The following SPINK5 variants were observed in gnomAD, a reference collection of about 807,000 sequenced individuals.
SPINK5 encodes the protein serine peptidase inhibitor Kazal type 5.
A neutral mutation model predicts 151.8 loss-of-function variants in SPINK5; 125 were observed. That is an observed-to-expected ratio of 0.82 (90% confidence interval 0.71 to 0.96). The LOEUF (loss-of-function observed/expected upper bound fraction) is 0.96. SPINK5 is among the 40% of genes least tolerant of loss of function. The pLI, the probability that SPINK5 is intolerant of heterozygous loss-of-function variation, is 0.00. For missense variants in SPINK5, 1,194 were observed against 1,291.9 expected, an observed-to-expected ratio of 0.92 and a Z score of 1.16; for synonymous variants, 374 against 395.3, an observed-to-expected ratio of 0.95 and a Z score of 0.64.
intron 4 of SPINK5, among the ~76,000 whole-genome samples, chr5:148,084,305 C>T (rs1336981259): frequency 6.6e-6 from 1 of 151,052 alleles, no homozygotes; most frequent in Non-Finnish European, 1.5e-5. Context: ...AGAGATAAGA[C>T]CCAGTGCTGG....
rs773569272 is a variant in SPINK5, at chr5:148,070,481, TG to T, written c.209+32del. 3.1e-6 allele frequency: 5 copies of T among 1,610,842 alleles called. No individual in the cohort carries two copies. The Admixed American group carries it at 8.4e-5, about 27-fold the overall frequency. Reference sequence around the variant, plus strand: ...TAAAGGTTTCTTTCTTTCTTTCCAATGTTTGAGTTAACAGCTAGTCTCTGAA... The same window carrying T: ...TAAAGGTTTCTTTCTTTCTTTCCAATTTTGAGTTAACAGCTAGTCTCTGAA... On this transcript the variant is annotated intron_variant, in intron 3 of 32. Coordinates refer to ENST00000256084, the MANE Select transcript of SPINK5 (RefSeq NM_006846.4).
intron 15 of SPINK5, among the ~76,000 whole-genome samples, chr5:148,103,021 G>A (rs77928928): frequency 0.011 from 1,608 of 152,102 alleles, 36 homozygotes; most frequent in African/African-American, 0.037. Flanking sequence ...TATTTCCCAT[G>A]TGCCAAGAAT....
chr5:148,084,456 G>A (rs1438762839), intron 4 of SPINK5, among the ~76,000 whole-genome samples: 2 of 151,796 alleles, frequency 1.3e-5, no homozygotes, highest in African/African-American at 4.8e-5. Flanking sequence ...GGGTTTGGAG[G>A]GGAAGGAGAT....
intron 8 of SPINK5, among the ~76,000 whole-genome samples, chr5:148,092,383 T>G (rs556216822): frequency 6.6e-6 from 1 of 151,980 alleles, no homozygotes; most frequent in Non-Finnish European, 1.5e-5. Flanking sequence ...GGAATTCTTT[T>G]GTGGTGGTTG....
chr5:148,074,429 T>C (rs958267213), intron 4 of SPINK5, among the ~76,000 whole-genome samples: 1 of 151,862 alleles, frequency 6.6e-6, no homozygotes, highest in Non-Finnish European at 1.5e-5. Flanking sequence ...TTTTTTTAAT[T>C]GATGAATTCA....
Position 148,072,367 on chromosome 5 carries a change from G to A in SPINK5, c.282+147G>A, listed in dbSNP as rs548633422. The stretch of plus-strand genomic sequence containing the variant: ...GGGAACATGGGTTAGTCCAGGGGTG[G>A]GCTAAATATCTGGTACATCTTGTCC... On this transcript the variant is annotated intron_variant, in intron 4 of 32. Coordinates refer to ENST00000256084, the MANE Select transcript of SPINK5 (RefSeq NM_006846.4). 17 of 813,196 alleles carry A rather than the reference G, an allele frequency of 2.1e-5. No individual in the cohort carries two copies. The East Asian group carries it at 4.7e-4, about 22-fold the overall frequency. The allele number at this position is 813,196 out of a possible 1,614,324, so 50.4% of individuals were successfully genotyped here.
At chr5:148,120,963 T>G (rs1333545645) in intron 26 of SPINK5, among the ~76,000 whole-genome samples, 1 of 151,306 alleles carries the variant, frequency 6.6e-6, no homozygotes, top group Non-Finnish European at 1.5e-5. Context: ...GCTAGCACGG[T>G]GAAACCCCGT....
intron 4 of SPINK5, among the ~76,000 whole-genome samples, chr5:148,082,070 A>AT (rs1753035237): frequency 6.6e-6 from 1 of 151,690 alleles, no homozygotes; most frequent in Non-Finnish European, 1.5e-5. Flanking sequence ...CTTTCATCGT[A>AT]TTAATGTCTC....
intron 3 of SPINK5, among the ~76,000 whole-genome samples, chr5:148,071,587 A>G (rs1282672657): frequency 6.6e-6 from 1 of 152,094 alleles, no homozygotes; most frequent in African/African-American, 2.4e-5. Flanking sequence ...CAAAAATGAA[A>G]TGCCTTAAGA....
rs533432568 is a variant in SPINK5 at position 148,112,044 on chromosome 5, A to G, written c.1820+149A>G. On this transcript the variant is annotated intron_variant, in intron 19 of 32. Transcript: ENST00000256084. Reference sequence around the variant, plus strand: ...TTTGGAAATTTACTATTATAAAGCCATATATTCAGCCCATTTATTTCTGGT... The same window carrying G: ...TTTGGAAATTTACTATTATAAAGCCGTATATTCAGCCCATTTATTTCTGGT... The G allele has an allele frequency of 2.8e-5, 33 of 1,180,816 alleles. 1 individual carries two copies. The highest frequency in any genetic ancestry group is 1.4e-5 in the South Asian group (1 of 73,716). The allele number at this position is 1,180,816 out of a possible 1,614,324, so 73.1% of individuals were successfully genotyped here.
intron 17 of SPINK5, among the ~76,000 whole-genome samples, chr5:148,107,495 A>G (rs1447449654): frequency 6.6e-6 from 1 of 152,130 alleles, no homozygotes; most frequent in African/African-American, 2.4e-5. Context: ...CCCACTCCTG[A>G]CATTTTATGA....
chr5:148,112,768 T>C, intron 19 of SPINK5, 100 bp from the exon 20 acceptor site: 4 of 1,559,766 alleles, frequency 2.6e-6, no homozygotes, highest in Non-Finnish European at 3.5e-6. Context: ...TTGGTGGAGG[T>C]ATAGAAGTAA....
At position 148,125,838 on chromosome 5, in the gene SPINK5, G is replaced by A; in HGVS notation, c.2855G>A (p.Cys952Tyr). 6.2e-7 allele frequency: 1 copy of A among 1,614,188 alleles called. No individual in the cohort carries two copies. Among genetic ancestry groups the A allele is most frequent in the South Asian group, 1.1e-5 (1 of 91,090 alleles). The stretch of plus-strand genomic sequence containing the variant: ...TTCTATACAAACAAGTGCTACATGT[G>A]CAGAGCTGTCTTGTGAGTAAGAGGA... ...GKFYTNKCYM[C>Y]RAVFLTEALE... Residue 952 changes from cysteine to tyrosine, a missense_variant, in exon 29 of 33, where the codon TGC becomes TAC. Cys to Tyr is a radical substitution (Grantham distance 194). Coordinates refer to ENST00000256084, the MANE Select transcript of SPINK5 (RefSeq NM_006846.4).
chr5:148,128,876 G>A (rs147155275), intron 30 of SPINK5, among the ~76,000 whole-genome samples: 1 of 151,980 alleles, frequency 6.6e-6, no homozygotes, highest in African/African-American at 2.4e-5. Flanking sequence ...AACAGATAGC[G>A]CTCACTACAT....
intron 22 of SPINK5, among the ~76,000 whole-genome samples, chr5:148,117,734 T>C (rs1754133246): frequency 6.6e-6 from 1 of 152,104 alleles, no homozygotes; most frequent in Non-Finnish European, 1.5e-5. Flanking sequence ...CCTGCATATA[T>C]GGAGGGCTAA....
At chr5:148,135,455 T>C (rs888472113) in intron 32 of SPINK5, among the ~76,000 whole-genome samples, 1 of 152,228 alleles carries the variant, frequency 6.6e-6, no homozygotes, top group African/African-American at 2.4e-5. Flanking sequence ...TAATGAAGAA[T>C]GTTGCCGGGG....
rs1198620440 is a variant in SPINK5, at chr5:148,126,871, C to T, written c.2868-112C>T. On this transcript the variant is annotated intron_variant, in intron 29 of 32. Coordinates refer to ENST00000256084, the MANE Select transcript of SPINK5 (RefSeq NM_006846.4). ...CCTTCCAAAATGCTGGGGTTACAGG[C>T]GTGAACTACCATGCCTGGCCTCTGT... The T allele has an allele frequency of 1.6e-5, 14 of 887,736 alleles. No individual in the cohort carries two copies. The East Asian group carries it at 2.0e-4, about 13-fold the overall frequency. 55.0% of individuals were successfully genotyped at this position (887,736 alleles called of 1,614,324 possible).
At position 148,111,919 on chromosome 5, in the gene SPINK5, G is replaced by A. The variant is rs753319871; in HGVS notation, c.1820+24G>A. The A allele has an allele frequency of 3.1e-6, 5 of 1,613,872 alleles. No individual in the cohort carries two copies. The South Asian group carries it at 5.5e-5, about 18-fold the overall frequency. ...TTGTGAGTGGGCGGCAGCCACTGCT[G>A]CTACTGAGTGTGGGAGAAGATCAGC... is the stretch of plus-strand genomic sequence containing the variant. On this transcript the variant is annotated intron_variant, in intron 19 of 32. Coordinates refer to ENST00000256084, the MANE Select transcript of SPINK5 (RefSeq NM_006846.4).
In SPINK5 at chr5:148,116,464, C is replaced by G. The variant is rs531921262; in HGVS notation, c.2110C>G (p.Gln704Glu). 2 of 1,614,016 alleles carry G rather than the reference C, an allele frequency of 1.2e-6. No individual in the cohort carries two copies. The highest frequency in any genetic ancestry group is 2.2e-5 in the East Asian group (1 of 44,882). Reference protein sequence around the residue: ...GSSGGGGGNTQDECAEYREQM... With the variant: ...GSSGGGGGNTEDECAEYREQM... Reference sequence around the variant, plus strand: ...CAGTGGTGGTGGAGGAGGAAACACTCAGGTGAGAGCAACCTCTAATTTCAG... The same window carrying G: ...CAGTGGTGGTGGAGGAGGAAACACTGAGGTGAGAGCAACCTCTAATTTCAG... Residue 704 changes from glutamine (Q) to glutamate (E), a missense_variant and splice_region_variant, in exon 22 of 33, where the codon CAG becomes GAG. Gln to Glu is a conservative substitution (Grantham distance 29). Transcript: ENST00000256084.
Sources: allele counts gnomAD v4.1 joint callset (sites outside exome capture counted in the v4.1 genomes callset), GRCh38; gene constraint gnomAD v4.1.1; transcripts MANE v1.5; gene names NCBI Gene and HGNC (gene_info 2026-07-23, HGNC 2026-07-21).